GRM7: variants seen among roughly 807,000 people sequenced by gnomAD.
GRM7 encodes metabotropic glutamate receptor 7.
In GRM7, 35 loss-of-function variants were observed where a neutral mutation model predicts 84.5. The observed-to-expected ratio is 0.41, with a 90% CI of 0.32 to 0.55. The LOEUF is 0.55. Among genes scored for constraint, GRM7 ranks in the 20% least tolerant of loss-of-function variants. The probability of loss-of-function intolerance (pLI) is 0.19; values close to 1 mark genes in which losing one functional copy is unlikely to be tolerated. For synonymous variants in GRM7, 487 were observed against 455.1 expected, an observed-to-expected ratio of 1.07 and a Z score of -0.89; for missense variants, 1,003 against 1,194.6, an observed-to-expected ratio of 0.84 and a Z score of 2.36.
chr3:7,253,845 C>T (rs946818520), intron 2 of GRM7, among the ~76,000 whole-genome samples: 20 of 152,066 alleles, frequency 1.3e-4, no homozygotes, highest in African/African-American at 4.3e-4. Flanking sequence ...TGCATATATG[C>T]ATGGATTTTG....
At chr3:7,581,696 G>T (rs1014147359) in intron 8 of GRM7, among the ~76,000 whole-genome samples, 2 of 152,030 alleles carry the variant, frequency 1.3e-5, no homozygotes, top group Non-Finnish European at 2.9e-5. Flanking sequence ...TTAAATCAAA[G>T]AATTATATTA....
At chr3:7,073,105 A>C (rs1338394316) in intron 1 of GRM7, among the ~76,000 whole-genome samples, 1 of 152,032 alleles carries the variant, frequency 6.6e-6, no homozygotes, top group Non-Finnish European at 1.5e-5. Flanking sequence ...TTTATTTTTT[A>C]TGTTTCATTT....
chr3:6,983,963 G>T (rs1694303837), intron 1 of GRM7, among the ~76,000 whole-genome samples: 1 of 152,092 alleles, frequency 6.6e-6, no homozygotes, highest in African/African-American at 2.4e-5. Context: ...CCTCCATGTG[G>T]TTTGTTTTCT....
chr3:7,500,997 A>G (rs568433364), intron 7 of GRM7, among the ~76,000 whole-genome samples: 7 of 152,374 alleles, frequency 4.6e-5, no homozygotes, highest in African/African-American at 1.7e-4. Context: ...AGAAATGTTC[A>G]TCTATGCAAG....
intron 4 of GRM7, among the ~76,000 whole-genome samples, chr3:7,365,645 G>GTATATATATATATATA (rs201115893): frequency 2.0e-4 from 25 of 123,850 alleles, no homozygotes; most frequent in African/African-American, 8.3e-4. Context: ...GTGTGCGTGT[G>GTATATATATATATATA]TGTATATATA....
intron 1 of GRM7, among the ~76,000 whole-genome samples, chr3:6,962,507 G>A (rs986012281): frequency 3.9e-5 from 6 of 152,020 alleles, no homozygotes; most frequent in African/African-American, 1.2e-4. Context: ...AAAACCTGAG[G>A]AACATGAATA....
chr3:7,130,723 A>G (rs1693567883), intron 1 of GRM7, among the ~76,000 whole-genome samples: 1 of 152,132 alleles, frequency 6.6e-6, no homozygotes, highest in Non-Finnish European at 1.5e-5. Flanking sequence ...AAATGCAATT[A>G]CATGCAAAAA....
chr3:7,710,300 A>G (rs934866954), intron 9 of GRM7, among the ~76,000 whole-genome samples: 2 of 152,152 alleles, frequency 1.3e-5, no homozygotes, highest in Non-Finnish European at 2.9e-5. Context: ...TTTTCCTTAA[A>G]AACAAAACCC....
At chr3:6,920,572 G>T (rs1360090066) in intron 1 of GRM7, among the ~76,000 whole-genome samples, 1 of 149,198 alleles carries the variant, frequency 6.7e-6, no homozygotes, top group Non-Finnish European at 1.5e-5. Flanking sequence ...AAAAAAAAAT[G>T]ATGATTGATG....
chr3:7,310,532 G>C (rs1700354414), intron 4 of GRM7, among the ~76,000 whole-genome samples: 1 of 151,982 alleles, frequency 6.6e-6, no homozygotes, highest in Admixed American at 6.6e-5. Context: ...TGTGTCACAG[G>C]GTTTCTCTAG....
At chr3:7,430,741 A>G (rs1378388974) in intron 5 of GRM7, among the ~76,000 whole-genome samples, 1 of 152,210 alleles carries the variant, frequency 6.6e-6, no homozygotes, top group Non-Finnish European at 1.5e-5. Context: ...TTGCAAATAG[A>G]AGCACTGATT....
At chr3:6,906,755 G>A (rs1217334608) in intron 1 of GRM7, among the ~76,000 whole-genome samples, 1 of 151,966 alleles carries the variant, frequency 6.6e-6, no homozygotes, top group Non-Finnish European at 1.5e-5. Flanking sequence ...TTTTTCTTAT[G>A]TTTTTAGCTG....
intron 4 of GRM7, among the ~76,000 whole-genome samples, chr3:7,338,034 A>T (rs558136917): frequency 3.1e-4 from 47 of 151,748 alleles, no homozygotes; most frequent in Non-Finnish European, 6.3e-4. Flanking sequence ...AATAAAGAAA[A>T]TGTGGGATAT....
At chr3:7,066,542 A>G (rs554077511) in intron 1 of GRM7, among the ~76,000 whole-genome samples, 164 of 152,048 alleles carry the variant, frequency 1.1e-3, no homozygotes, top group African/African-American at 3.8e-3. Flanking sequence ...AAAAATTACC[A>G]ACAACAAAAA....
At chr3:7,309,642 A>G (rs1038366308) in intron 4 of GRM7, among the ~76,000 whole-genome samples, 24 of 152,182 alleles carry the variant, frequency 1.6e-4, no homozygotes, top group Admixed American at 6.6e-5. Flanking sequence ...TGCATTCAAA[A>G]TAAGCAGAAA....
chr3:7,012,213 G>A (rs1695397518), intron 1 of GRM7, among the ~76,000 whole-genome samples: 1 of 152,176 alleles, frequency 6.6e-6, no homozygotes, highest in Admixed American at 6.5e-5. Context: ...GGATAGGAAG[G>A]AGTGAGGATC....
chr3:7,680,416 C>G (rs1165613385), intron 9 of GRM7, 121 bp downstream of exon 9: 1 of 1,014,042 alleles, frequency 9.9e-7, no homozygotes, highest in Non-Finnish European at 1.5e-6. Flanking sequence ...GGCTGGGTTG[C>G]CTTGGTGAAT....
chr3:7,399,820 A>G (rs1380529950), intron 4 of GRM7, among the ~76,000 whole-genome samples: 1 of 152,168 alleles, frequency 6.6e-6, no homozygotes, highest in Non-Finnish European at 1.5e-5. Context: ...TGCTGTGAGT[A>G]GAAGCAGACT....
intron 7 of GRM7, among the ~76,000 whole-genome samples, chr3:7,517,257 C>T (rs780048283): frequency 3.3e-5 from 5 of 152,116 alleles, no homozygotes; most frequent in Non-Finnish European, 7.3e-5. Flanking sequence ...ATTGCTTTGT[C>T]CTCACTTTAT....
Sources: gnomAD v4.1 joint callset for allele counts (sites outside exome capture counted in the v4.1 genomes callset) on GRCh38, gnomAD v4.1.1 for gene constraint, MANE v1.5 for transcripts, NCBI Gene and HGNC (gene_info 2026-07-23, HGNC 2026-07-21) for gene names.